THUMPD2: variants seen among roughly 807,000 people sequenced by gnomAD.
THUMPD2 encodes the protein U6 snRNA (guanine-N(2))-methyltransferase THUMPD2.
THUMPD2 carries 56 observed loss-of-function variants against 49.4 expected under a neutral mutation model. The ratio of observed to expected loss-of-function variants is 1.13; its 90% CI spans 0.91 to 1.41. The LOEUF is 1.41. THUMPD2 is among the 40% of genes most tolerant of loss of function. The pLI is 0.00. For missense variants in THUMPD2, 709 were observed against 594.5 expected (o/e 1.19, Z -2.00); for synonymous variants, 237 against 205.2 (o/e 1.15, Z -1.32).
chr2:39,773,615 A>G (rs1448196430), intron 1 of THUMPD2, among the ~76,000 whole-genome samples: 1 of 138,600 alleles, frequency 7.2e-6, no homozygotes, highest in African/African-American at 2.9e-5. Context: ...AAAAATATAT[A>G]TATATTTATA....
chr2:39,769,163 G>GT (rs1473211617), intron 3 of THUMPD2: 1 of 1,141,376 alleles, frequency 8.8e-7, no homozygotes, highest in East Asian at 5.9e-5. Context: ...GAGGACTATG[G>GT]TATCAGGATT....
In THUMPD2 at chr2:39,779,224, C is replaced by T. The variant is rs921326404; in HGVS notation, c.16G>A (p.Gly6Arg). 4.7e-6 allele frequency: 7 copies of T among 1,498,238 alleles called. No homozygotes were observed. Among genetic ancestry groups the T allele is most frequent in the Admixed American group, 4.4e-5 (2 of 45,528 alleles). 92.8% of individuals were successfully genotyped at this position (1,498,238 alleles called of 1,614,324 possible). A position where few individuals can be genotyped will look rare whatever the true frequency, so the allele number is the denominator to read the frequency against. Residue 6 changes from glycine to arginine, a missense_variant, in exon 1 of 10, where the codon GGA becomes AGA. Physicochemically the swap from Gly to Arg is moderately radical, Grantham distance 125. Coordinates refer to ENST00000505747, the MANE Select transcript of THUMPD2 (RefSeq NM_025264.5). MSEAR[G>R]EPGSGPEAGA... ...GCCTCAGGCCCGGACCCTGGCTCTC[C>T]ACGCGCCTCCGACATGGCGGCTCAG...
chr2:39,750,217 G>C (rs761343079), intron 8 of THUMPD2, among the ~76,000 whole-genome samples: 1 of 152,164 alleles, frequency 6.6e-6, no homozygotes, highest in Non-Finnish European at 1.5e-5. Flanking sequence ...TCCCACCAAC[G>C]GTGTAAAGGC....
intron 3 of THUMPD2, 86 bp downstream of exon 3, chr2:39,769,624 C>T (rs1678040546): frequency 7.4e-7 from 1 of 1,349,138 alleles, no homozygotes; most frequent in Non-Finnish European, 9.8e-7. Flanking sequence ...ATCACCTGAA[C>T]CTGGGAGGTG....
chr2:39,771,583 TCAACATATTCAA>T lies in THUMPD2; in HGVS notation c.172_183del (p.Leu58_Leu61del), dbSNP rs1375274857. 6.2e-7 allele frequency: 1 copy of T among 1,606,248 alleles called. No individual in the cohort carries two copies. The highest frequency in any genetic ancestry group is 8.5e-7 in the Non-Finnish European group (1 of 1,177,862). The stretch of plus-strand genomic sequence containing the variant: ...AATCTTTCTGCAGATTTTAATTTCT[TCAACATATTCAA>T]ATCAGAACAGGTGGTGAAAAAAACC... On this transcript the variant is annotated inframe_deletion, in exon 2 of 10. Coordinates refer to ENST00000505747, the MANE Select transcript of THUMPD2 (RefSeq NM_025264.5).
intron 4 of THUMPD2, 34 bp downstream of exon 4, chr2:39,768,390 T>C (rs1677840436): frequency 1.3e-6 from 2 of 1,513,450 alleles, no homozygotes; most frequent in African/African-American, 1.4e-5. Context: ...AGAATTAGGT[T>C]ACAAGTATAT....
intron 8 of THUMPD2, among the ~76,000 whole-genome samples, chr2:39,745,146 T>G (rs1674401936): frequency 1.3e-5 from 2 of 152,166 alleles, no homozygotes; most frequent in South Asian, 4.1e-4. Flanking sequence ...TTTTACTTAT[T>G]TTACTTCTCA....
intron 1 of THUMPD2, among the ~76,000 whole-genome samples, chr2:39,773,554 TAAAAA>T (rs1678624192): frequency 2.5e-5 from 1 of 39,980 alleles, no homozygotes; most frequent in Non-Finnish European, 4.3e-5. Flanking sequence ...TATTTATATT[TAAAAA>T]TATATATATA....
intron 1 of THUMPD2, among the ~76,000 whole-genome samples, chr2:39,773,316 T>TG (rs1678585350): frequency 6.6e-6 from 1 of 151,982 alleles, no homozygotes; most frequent in Non-Finnish European, 1.5e-5. Context: ...ACTAAGATTC[T>TG]GGGGGAACGA....
intron 6 of THUMPD2, among the ~76,000 whole-genome samples, chr2:39,761,059 T>A (rs1676756450): frequency 6.6e-6 from 1 of 152,130 alleles, no homozygotes; most frequent in Non-Finnish European, 1.5e-5. Context: ...ACAGGCCACA[T>A]TTTCTAACTG....
chr2:39,740,271 G>A (rs1673721595), intron 9 of THUMPD2, among the ~76,000 whole-genome samples: 1 of 152,122 alleles, frequency 6.6e-6, no homozygotes, highest in Non-Finnish European at 1.5e-5. Context: ...CATAAGCACT[G>A]GTTGCATAAT....
intron 1 of THUMPD2, 54 bp from the exon 2 acceptor site, chr2:39,771,694 AT>A (rs969017858): frequency 2.6e-6 from 4 of 1,530,818 alleles, no homozygotes; most frequent in African/African-American, 1.4e-5. Flanking sequence ...AAAAAACCAT[AT>A]TTTTTCCCTC....
intron 9 of THUMPD2, among the ~76,000 whole-genome samples, chr2:39,744,042 GT>G (rs11303287): frequency 0.54 from 77,406 of 142,240 alleles, 21,004 homozygotes; most frequent in East Asian, 0.74. Flanking sequence ...GAGAAGGCAG[GT>G]TTTTTTTTTT....
At chr2:39,762,276 C>T (rs1432462021) in intron 5 of THUMPD2, among the ~76,000 whole-genome samples, 4 of 152,100 alleles carry the variant, frequency 2.6e-5, no homozygotes, top group Admixed American at 6.6e-5. Flanking sequence ...ACGAACATTA[C>T]GGAAAGCCAT....
chr2:39,745,401 C>T (rs562271366), intron 8 of THUMPD2, among the ~76,000 whole-genome samples: 46 of 151,680 alleles, frequency 3.0e-4, no homozygotes, highest in African/African-American at 5.1e-4. Context: ...GTAGATTGTT[C>T]GAAAAAAAGA....
At chr2:39,749,132 T>C (rs1179960021) in intron 8 of THUMPD2, among the ~76,000 whole-genome samples, 5 of 152,186 alleles carry the variant, frequency 3.3e-5, no homozygotes, top group African/African-American at 1.2e-4. Flanking sequence ...AATAAGAATA[T>C]TAATTTTTAG....
chr2:39,766,284 G>C (rs1265878460), intron 4 of THUMPD2, 175 bp from the exon 5 acceptor site: 3 of 442,062 alleles, frequency 6.8e-6, no homozygotes, highest in African/African-American at 2.1e-5. Context: ...TTAAGCAGAA[G>C]GAAACTAAAT....
At chr2:39,738,608 TATATA>T (rs1051105130) in intron 9 of THUMPD2, among the ~76,000 whole-genome samples, 25 of 135,308 alleles carry the variant, frequency 1.8e-4, no homozygotes, top group Non-Finnish European at 2.5e-4. Context: ...TAAAAATATA[TATATA>T]ATATATATTA....
chr2:39,778,005 T>A (rs1679340614), intron 1 of THUMPD2, among the ~76,000 whole-genome samples: 2 of 152,184 alleles, frequency 1.3e-5, no homozygotes, highest in Admixed American at 6.5e-5. Flanking sequence ...TGAACATGAT[T>A]ATATACTCAT....
Sources: gnomAD v4.1 joint callset for allele counts (sites outside exome capture counted in the v4.1 genomes callset) on GRCh38, gnomAD v4.1.1 for gene constraint, MANE v1.5 for transcripts, NCBI Gene and HGNC (gene_info 2026-07-23, HGNC 2026-07-21) for gene names.